The following PPP2R5E variants were observed in gnomAD, a reference collection of about 807,000 sequenced individuals.
PPP2R5E encodes the protein protein phosphatase 2 regulatory subunit B'epsilon.
Under a neutral mutation model 65.3 loss-of-function variants are expected in PPP2R5E, and 4 were observed. The observed-to-expected ratio is 0.06, with a 90% CI of 0.03 to 0.14. PPP2R5E has a LOEUF of 0.14. Among genes scored for constraint, PPP2R5E ranks in the 10% least tolerant of loss-of-function variants. The pLI is 1.00. For missense variants in PPP2R5E, 274 were observed against 556.1 expected, an observed-to-expected ratio of 0.49 and a Z score of 5.10; for synonymous variants, 183 against 187.4, an observed-to-expected ratio of 0.98 and a Z score of 0.19.
rs984074972 is a variant in PPP2R5E at position 63,374,933 on chromosome 14, T to C, written c.*1076A>G. ...ACAGGGCTGGCGCTGTGATGAGATATAGAACGAGAATCTACAAAAAACACT... is the reference window on the plus strand; with the variant it reads ...ACAGGGCTGGCGCTGTGATGAGATACAGAACGAGAATCTACAAAAAACACT... On this transcript the variant is annotated 3_prime_UTR_variant, in exon 14 of 14. Transcript: ENST00000337537. The C allele has an allele frequency of 3.3e-5, 5 of 152,434 alleles. No homozygotes were observed. Among genetic ancestry groups the C allele is most frequent in the South Asian group, 2.1e-4 (1 of 4,820 alleles). The allele number at this position is 152,434 out of a possible 1,614,324, so 9.4% of individuals were successfully genotyped here.
At chr14:63,541,410 T>G (rs928962104) in intron 1 of PPP2R5E, among the ~76,000 whole-genome samples, 2 of 152,218 alleles carry the variant, frequency 1.3e-5, no homozygotes, top group African/African-American at 2.4e-5. Context: ...CCATCAAACT[T>G]ACGGAACTGA....
chr14:63,440,948 C>CAA (rs374563795), intron 3 of PPP2R5E, among the ~76,000 whole-genome samples: 11 of 67,594 alleles, frequency 1.6e-4, no homozygotes, highest in South Asian at 6.1e-4. Context: ...GACTCCATCT[C>CAA]AAAAAAAAAA....
intron 2 of PPP2R5E, among the ~76,000 whole-genome samples, chr14:63,481,563 T>C (rs1420038925): frequency 6.6e-6 from 1 of 151,510 alleles, no homozygotes; most frequent in Non-Finnish European, 1.5e-5. Flanking sequence ...TATTCACCCA[T>C]GTATGAAGAG....
At chr14:63,457,766 G>T (rs1889206883) in intron 2 of PPP2R5E, among the ~76,000 whole-genome samples, 1 of 152,192 alleles carries the variant, frequency 6.6e-6, no homozygotes, top group Non-Finnish European at 1.5e-5. Flanking sequence ...ATCCAAGGTT[G>T]TATGTGTTCA....
chr14:63,539,007 TAGAA>T (rs920313461), intron 2 of PPP2R5E, among the ~76,000 whole-genome samples: 43 of 152,150 alleles, frequency 2.8e-4, no homozygotes, highest in African/African-American at 9.9e-4. Context: ...TACTTGTACA[TAGAA>T]AGGTATATCT....
At chr14:63,440,850 G>A (rs968669605) in intron 3 of PPP2R5E, among the ~76,000 whole-genome samples, 1 of 151,006 alleles carries the variant, frequency 6.6e-6, no homozygotes, top group Non-Finnish European at 1.5e-5. Context: ...TCGGGAGGCT[G>A]AGGCAGGAGA....
chr14:63,454,212 A>C (rs1889002196), intron 2 of PPP2R5E, among the ~76,000 whole-genome samples: 1 of 152,240 alleles, frequency 6.6e-6, no homozygotes, highest in Non-Finnish European at 1.5e-5. Context: ...AATTAAAAAC[A>C]CTGAAAAAGG....
chr14:63,448,096 G>C (rs1359342658), intron 3 of PPP2R5E, among the ~76,000 whole-genome samples: 2 of 152,056 alleles, frequency 1.3e-5, no homozygotes, highest in African/African-American at 4.8e-5. Flanking sequence ...AGGAGATAGA[G>C]ACCATCCTGG....
chr14:63,490,331 A>G (rs1891222876), intron 2 of PPP2R5E, among the ~76,000 whole-genome samples: 1 of 152,134 alleles, frequency 6.6e-6, no homozygotes, highest in African/African-American at 2.4e-5. Context: ...TAAAAATTCT[A>G]GAATAAAACG....
chr14:63,474,091 AGACTACAGCTACATAG>A (rs1594915287), intron 2 of PPP2R5E, among the ~76,000 whole-genome samples: 2 of 152,254 alleles, frequency 1.3e-5, no homozygotes, highest in East Asian at 3.8e-4. Context: ...ACCAGTTAGG[AGACTACAGCTACATAG>A]GAGGCAACTG....
chr14:63,468,512 G>A (rs1422316157), intron 2 of PPP2R5E, among the ~76,000 whole-genome samples: 4 of 152,234 alleles, frequency 2.6e-5, no homozygotes, highest in African/African-American at 7.2e-5. Context: ...GAAGGGTGAA[G>A]AGAGTTAGCA....
chr14:63,529,651 A>T (rs1316676516), intron 2 of PPP2R5E, among the ~76,000 whole-genome samples: 1 of 152,150 alleles, frequency 6.6e-6, no homozygotes, highest in Non-Finnish European at 1.5e-5. Context: ...TGCTGGGATT[A>T]CAGGCGTGAG....
Position 63,422,064 on chromosome 14 carries a change from G to C in PPP2R5E, c.385C>G (p.Pro129Ala). 6.2e-7 allele frequency: 1 copy of C among 1,613,720 alleles called. No homozygotes were observed. Residue 129 changes from proline to alanine, a missense_variant, in exon 4 of 14, where the codon CCT becomes GCT. By Grantham distance (27) the Pro-to-Ala change is conservative (BLOSUM62 -1). Coordinates refer to ENST00000337537, the MANE Select transcript of PPP2R5E (RefSeq NM_006246.5). ...VSCNIFRTLPPSDSNEFDPEE... is the reference protein window; with the variant it reads ...VSCNIFRTLPASDSNEFDPEE... ...GGATCAAATTCATTGCTGTCACTAG[G>C]AGGGAGAGTTCTGAATATATTGCAA...
intron 2 of PPP2R5E, among the ~76,000 whole-genome samples, chr14:63,466,531 T>G (rs1276327011): frequency 6.6e-6 from 1 of 152,224 alleles, no homozygotes; most frequent in African/African-American, 2.4e-5. Context: ...CCCCTAATTG[T>G]GAAGCTCTCC....
chr14:63,447,620 CAT>C (rs1414610280), intron 3 of PPP2R5E, among the ~76,000 whole-genome samples: 1 of 152,236 alleles, frequency 6.6e-6, no homozygotes, highest in Non-Finnish European at 1.5e-5. Context: ...TTATCATTCA[CAT>C]GTTTACTGGA....
chr14:63,506,765 C>G (rs181752017), intron 2 of PPP2R5E, among the ~76,000 whole-genome samples: 1 of 152,268 alleles, frequency 6.6e-6, no homozygotes, highest in African/African-American at 2.4e-5. Context: ...AACAGAGTTA[C>G]CAAATGACCC....
rs758248092 is a variant in PPP2R5E at position 63,484,347 on chromosome 14, T to TCTCA, written c.158-30463_158-30462insTGAG. Among the ~76,000 whole-genome samples, 399 of 139,674 alleles carry TCTCA rather than the reference T, an allele frequency of 2.9e-3. 5 individuals carry two copies. Among genetic ancestry groups the TCTCA allele is most frequent in the Non-Finnish European group, 4.0e-3 (262 of 64,986 alleles). 91.6% of individuals were successfully genotyped at this position (139,674 alleles called of 152,430 possible). A position where few individuals can be genotyped will look rare whatever the true frequency, so the allele number is the denominator to read the frequency against. On this transcript the variant is annotated intron_variant, in intron 2 of 13. Coordinates refer to ENST00000337537, the MANE Select transcript of PPP2R5E (RefSeq NM_006246.5). ...CTTTCTTTCTCTTTCTCTCTCTCTC[T>TCTCA]CACACACACACACACACACACACAC...
chr14:63,450,380 G>T (rs960187288), intron 3 of PPP2R5E, among the ~76,000 whole-genome samples: 2 of 152,176 alleles, frequency 1.3e-5, no homozygotes, highest in African/African-American at 4.8e-5. Context: ...TGCCTCCTAA[G>T]ATAAAGCTCC....
chr14:63,511,094 G>A (rs1276294029), intron 2 of PPP2R5E, among the ~76,000 whole-genome samples: 1 of 152,206 alleles, frequency 6.6e-6, no homozygotes, highest in Admixed American at 6.5e-5. Flanking sequence ...TGCCACTGCA[G>A]TATAATTTTA....
Sources: gnomAD v4.1 joint callset for allele counts (sites outside exome capture counted in the v4.1 genomes callset) on GRCh38, gnomAD v4.1.1 for gene constraint, MANE v1.5 for transcripts, NCBI Gene and HGNC (gene_info 2026-07-23, HGNC 2026-07-21) for gene names.